Variants in LYZL6 observed in about 807,000 individuals in gnomAD.
LYZL6 encodes the protein lysozyme like 6.
LYZL6 carries 21 observed loss-of-function variants against 15.0 expected under a neutral mutation model. The ratio of observed to expected loss-of-function variants is 1.40; its 90% CI spans 1.00 to 2.02. The LOEUF is 2.02. Ranked by LOEUF, LYZL6 falls within the 30% of genes most tolerant of loss-of-function variation. The pLI, the probability that LYZL6 is intolerant of heterozygous loss-of-function variation, is 0.00. For synonymous variants in LYZL6, 72 were observed against 67.8 expected (o/e 1.06, Z -0.31); for missense variants, 173 against 180.5 (o/e 0.96, Z 0.24).
chr17:35,937,324 C>T (rs1349126301), intron 3 of LYZL6, among the ~76,000 whole-genome samples: 1 of 152,106 alleles, frequency 6.6e-6, no homozygotes, highest in Non-Finnish European at 1.5e-5. Flanking sequence ...AAAGAGGGTA[C>T]TCCGGAATGG....
At chr17:35,940,586 G>A (rs1197127454) in intron 1 of LYZL6, among the ~76,000 whole-genome samples, 1 of 152,164 alleles carries the variant, frequency 6.6e-6, no homozygotes, top group Non-Finnish European at 1.5e-5. Flanking sequence ...TGTTTGCAGA[G>A]TTGTACAACT....
rs2089376858 is a variant in LYZL6 at position 35,936,771 on chromosome 17, G to A, written c.361C>T (p.Arg121Trp). The change falls in exon 4 of 5, where the codon CGG becomes TGG. Residue 121 changes from arginine (R) to tryptophan (W), a missense_variant. Transcript: ENST00000615905. ...CCTCCTCACCAGTTGTTCATCCCCCGTGCTCCGGACACAATCCTTTTTGCG... is the reference window on the plus strand; with the variant it reads ...CCTCCTCACCAGTTGTTCATCCCCCATGCTCCGGACACAATCCTTTTTGCG... ...HCAKRIVSGARGMNNWVEWRL... is the reference protein window; with the variant it reads ...HCAKRIVSGAWGMNNWVEWRL... The A allele has an allele frequency of 6.2e-7, 1 of 1,613,626 alleles. No individual in the cohort carries two copies. Among genetic ancestry groups the A allele is most frequent in the Admixed American group, 1.7e-5 (1 of 60,024 alleles).
intron 2 of LYZL6, among the ~76,000 whole-genome samples, chr17:35,938,471 A>G (rs1052530307): frequency 1.3e-5 from 2 of 152,088 alleles, no homozygotes; most frequent in Admixed American, 6.5e-5. Context: ...TACAAAAATT[A>G]GCTGGGCATG....
intron 1 of LYZL6, among the ~76,000 whole-genome samples, chr17:35,942,701 G>A (rs1191747295): frequency 6.6e-6 from 1 of 152,186 alleles, no homozygotes; most frequent in East Asian, 1.9e-4. Flanking sequence ...CTCAGGCACA[G>A]AAGGATGGGG....
In LYZL6 at chr17:35,939,452, G is replaced by C; in HGVS notation, c.-96C>G. 1 of 1,306,528 alleles carries C rather than the reference G, an allele frequency of 7.7e-7. No individual in the cohort carries two copies. The highest frequency in any genetic ancestry group is 1.1e-6 in the Non-Finnish European group (1 of 943,492). The allele number at this position is 1,306,528 out of a possible 1,614,324, so 80.9% of individuals were successfully genotyped here. On this transcript the variant is annotated 5_prime_UTR_variant, in exon 2 of 5. Coordinates refer to ENST00000615905, the MANE Select transcript of LYZL6 (RefSeq NM_020426.4). ...TCTGAGAGCCTGGGGAATCTGGAGA[G>C]GGCAGCCAGGTTTCCTTACTCACTC...
chr17:35,942,142 A>G (rs2089428790), intron 1 of LYZL6, among the ~76,000 whole-genome samples: 1 of 152,216 alleles, frequency 6.6e-6, no homozygotes, highest in African/African-American at 2.4e-5. Context: ...ACTGGCCTGT[A>G]TTCTTCAAAA....
At chr17:35,943,327 C>T (rs1197756392) in intron 1 of LYZL6, among the ~76,000 whole-genome samples, 3 of 152,178 alleles carry the variant, frequency 2.0e-5, no homozygotes, top group Non-Finnish European at 4.4e-5. Context: ...TTGCTTCTCC[C>T]ATCATTCTAC....
intron 2 of LYZL6, among the ~76,000 whole-genome samples, chr17:35,938,408 A>G (rs2089396046): frequency 6.6e-6 from 1 of 152,062 alleles, no homozygotes; most frequent in South Asian, 2.1e-4. Context: ...TCACGAGGTC[A>G]GGAGATCGAG....
In LYZL6 at chr17:35,943,677, A is replaced by G. The variant is rs8072586; in HGVS notation, c.-313T>C. The G allele has an allele frequency of 0.15, 22,957 of 151,844 alleles. 1,921 individuals are homozygous for G. The highest frequency in any genetic ancestry group is 0.25 in the East Asian group (1,265 of 5,128). 9.4% of individuals were successfully genotyped at this position (151,844 alleles called of 1,614,324 possible). On this transcript the variant is annotated 5_prime_UTR_variant, in exon 1 of 5. Transcript: ENST00000615905. ...GAGCCTCTTCTTCCTCACCACATAC[A>G]CTTCAGCCCTGCCCAACTAACAGCT...
chr17:35,934,666 G>T lies in LYZL6; in HGVS notation c.*130C>A. On this transcript the variant is annotated 3_prime_UTR_variant, in exon 5 of 5. Coordinates refer to ENST00000615905, the MANE Select transcript of LYZL6 (RefSeq NM_020426.4). The stretch of plus-strand genomic sequence containing the variant: ...GAAAACCATTTATTCCTGGGGCTCT[G>T]GTCAGTTTTAGTTGTAAATGGGAAG... 1 of 823,590 alleles carries T rather than the reference G, an allele frequency of 1.2e-6. No individual in the cohort carries two copies. The highest frequency in any genetic ancestry group is 1.7e-5 in the South Asian group (1 of 57,628). 51.0% of individuals were successfully genotyped at this position (823,590 alleles called of 1,614,324 possible).
intron 3 of LYZL6, 49 bp downstream of exon 3, chr17:35,937,709 G>A: frequency 6.3e-7 from 1 of 1,582,834 alleles, no homozygotes; most frequent in Non-Finnish European, 8.6e-7. Context: ...TCTGTGAGCA[G>A]AGCCTGGTTG....
chr17:35,934,861 C>A lies in LYZL6; in HGVS notation c.382G>T (p.Glu128Ter), dbSNP rs991200321. 1.9e-6 allele frequency: 3 copies of A among 1,614,158 alleles called. No individual in the cohort carries two copies. The highest frequency in any genetic ancestry group is 2.5e-6 in the Non-Finnish European group (3 of 1,180,012). The change falls in exon 5 of 5, where the codon GAA (glutamate) becomes TAA (stop). Residue 128 changes from glutamate (E) to a stop codon, truncating the protein, a stop_gained. Transcript: ENST00000615905. LOFTEE classifies it high-confidence loss of function. ...CGGCCTGAACAGTGCAACCTCCATT[C>A]TACCCTGCGGAGAAAAAAGACATGG... Reference protein sequence around the residue: ...SGARGMNNWVEWRLHCSGRPL... With the variant: ...SGARGMNNWV
chr17:35,936,595 C>A, intron 4 of LYZL6, 160 bp downstream of exon 4: 1 of 616,452 alleles, frequency 1.6e-6, no homozygotes, highest in East Asian at 2.7e-5. Context: ...AATACAATAT[C>A]ATAGAAGAAC....
chr17:35,938,157 A>C (rs2089393254), intron 2 of LYZL6, among the ~76,000 whole-genome samples: 1 of 152,140 alleles, frequency 6.6e-6, no homozygotes, highest in South Asian at 2.1e-4. Flanking sequence ...CTGAGCACCT[A>C]CTGTGTGCCA....
chr17:35,936,788 CTTTT>C lies in LYZL6; in HGVS notation c.340_343del (p.Lys114GlyfsTer9). ...CATCCCCCGTGCTCCGGACACAATC[CTTTT>C]TGCGCAGTGGATGCCTGCAAGAAGG... On this transcript the variant is annotated frameshift_variant, in exon 4 of 5. Coordinates refer to ENST00000615905, the MANE Select transcript of LYZL6 (RefSeq NM_020426.4). LOFTEE classifies it high-confidence loss of function. 1 of 1,613,876 alleles carries C rather than the reference CTTTT, an allele frequency of 6.2e-7. No homozygotes were observed. Among genetic ancestry groups the C allele is most frequent in the Non-Finnish European group, 8.5e-7 (1 of 1,180,010 alleles).
Position 35,934,979 on chromosome 17 carries a change from C to A in LYZL6, c.378-114G>T, listed in dbSNP as rs1183201707. The A allele has an allele frequency of 4.9e-6, 3 of 613,624 alleles. No homozygotes were observed. In the East Asian group the frequency reaches 1.2e-4, roughly 25 times the overall value. The allele number at this position is 613,624 out of a possible 1,614,324, so 38.0% of individuals were successfully genotyped here. On this transcript the variant is annotated intron_variant, in intron 4 of 4. Transcript: ENST00000615905. ...GCAACGCCCAGAATCCCCGTCATTG[C>A]TAGCTAGCCCTCTGGTCTGTCCTCC...
rs2089407590 is a variant in LYZL6, at chr17:35,939,394, T to C, written c.-38A>G. 6.3e-7 allele frequency: 1 copy of C among 1,599,572 alleles called. No individual in the cohort carries two copies. Among genetic ancestry groups the C allele is most frequent in the Non-Finnish European group, 8.5e-7 (1 of 1,169,690 alleles). ...GGAGGTGCAGCTGAGGGCTGATGGT[T>C]CTTAGGGTCTTGCAGACTTTCTGCT... On this transcript the variant is annotated 5_prime_UTR_variant, in exon 2 of 5. Coordinates refer to ENST00000615905, the MANE Select transcript of LYZL6 (RefSeq NM_020426.4).
intron 4 of LYZL6, among the ~76,000 whole-genome samples, chr17:35,936,161 G>A (rs1019944132): frequency 6.6e-6 from 1 of 152,150 alleles, no homozygotes; most frequent in Non-Finnish European, 1.5e-5. Context: ...CACAGGGCCC[G>A]AGCGGCAGCC....
At chr17:35,938,345 C>T (rs1207369842) in intron 2 of LYZL6, among the ~76,000 whole-genome samples, 3 of 152,016 alleles carry the variant, frequency 2.0e-5, no homozygotes, top group East Asian at 1.9e-4. Flanking sequence ...GTATGCCGGG[C>T]GCGGTGGCTT....
Sources: allele counts gnomAD v4.1 joint callset (sites outside exome capture counted in the v4.1 genomes callset), GRCh38; gene constraint gnomAD v4.1.1; transcripts MANE v1.5; gene names NCBI Gene and HGNC (gene_info 2026-07-23, HGNC 2026-07-21).